The following GREB1L variants were observed in gnomAD, a reference collection of about 807,000 sequenced individuals.
The protein encoded by GREB1L is GREB1-like protein.
Under a neutral mutation model 200.8 loss-of-function variants are expected in GREB1L, and 17 were observed. That is an observed-to-expected ratio of 0.08 (90% confidence interval 0.06 to 0.13). The LOEUF is 0.13. GREB1L is among the 10% of genes least tolerant of loss of function. The pLI is 1.00. For missense variants in GREB1L, 1,657 were observed against 2,367.7 expected (o/e 0.70, Z 6.23); for synonymous variants, 789 against 893.0 (o/e 0.88, Z 2.08).
chr18:21,283,143 A>G (rs1490239878), intron 1 of GREB1L, among the ~76,000 whole-genome samples: 1 of 152,188 alleles, frequency 6.6e-6, no homozygotes, highest in Non-Finnish European at 1.5e-5. Context: ...AGCAAAACAA[A>G]CTGGCTTTTA....
At chr18:21,506,305 GA>G (rs2037018101) in intron 25 of GREB1L, among the ~76,000 whole-genome samples, 1 of 151,868 alleles carries the variant, frequency 6.6e-6, no homozygotes, top group African/African-American at 2.4e-5. Context: ...TGAGGCAGGA[GA>G]AATGCTTGAA....
intron 15 of GREB1L, among the ~76,000 whole-genome samples, chr18:21,465,426 A>T (rs2035227227): frequency 6.6e-6 from 1 of 152,166 alleles, no homozygotes; most frequent in Admixed American, 6.5e-5. Context: ...TATACAGGAG[A>T]ATGCCTTTGC....
chr18:21,281,568 AC>A (rs1326246916), intron 1 of GREB1L, among the ~76,000 whole-genome samples: 28 of 152,354 alleles, frequency 1.8e-4, no homozygotes, highest in Admixed American at 1.7e-3. Context: ...TTGGCTAAAA[AC>A]GTCAGAAAAA....
At chr18:21,497,818 C>CG (rs1358975448) in intron 21 of GREB1L, among the ~76,000 whole-genome samples, 3 of 127,090 alleles carry the variant, frequency 2.4e-5, no homozygotes, top group Admixed American at 7.8e-5. Flanking sequence ...ACCACCCCCC[C>CG]CCCTTTTTTT....
chr18:21,253,199 C>CCTT (rs2037740837), intron 1 of GREB1L, among the ~76,000 whole-genome samples: 1 of 151,864 alleles, frequency 6.6e-6, no homozygotes, highest in African/African-American at 2.4e-5. Flanking sequence ...TTTCACAGTG[C>CCTT]CTTCTTATAC....
At chr18:21,411,022 GA>G (rs1206857356) in intron 7 of GREB1L, among the ~76,000 whole-genome samples, 1 of 152,044 alleles carries the variant, frequency 6.6e-6, no homozygotes, top group Non-Finnish European at 1.5e-5. Context: ...TATGTCAATA[GA>G]AACAGTGAGC....
intron 1 of GREB1L, among the ~76,000 whole-genome samples, chr18:21,322,832 A>C (rs1341467380): frequency 6.6e-6 from 1 of 152,192 alleles, no homozygotes; most frequent in Non-Finnish European, 1.5e-5. Context: ...AAAAAGTAAA[A>C]TTAGGCCCAT....
At chr18:21,308,927 AC>A (rs2038746280) in intron 1 of GREB1L, among the ~76,000 whole-genome samples, 1 of 152,096 alleles carries the variant, frequency 6.6e-6, no homozygotes, top group Non-Finnish European at 1.5e-5. Flanking sequence ...CTATATGGTG[AC>A]CTCTGTGATT....
intron 1 of GREB1L, among the ~76,000 whole-genome samples, chr18:21,298,443 T>C (rs561903750): frequency 6.6e-6 from 1 of 152,348 alleles, no homozygotes; most frequent in East Asian, 1.9e-4. Context: ...TTATATCTTA[T>C]CTCCAAAAAT....
chr18:21,255,379 G>A (rs760844621), intron 1 of GREB1L, among the ~76,000 whole-genome samples: 8 of 152,122 alleles, frequency 5.3e-5, no homozygotes, highest in African/African-American at 1.7e-4. Flanking sequence ...GTGACTAAGC[G>A]GCTACTGTAT....
At chr18:21,503,679 C>T (rs996468645) in intron 23 of GREB1L, among the ~76,000 whole-genome samples, 2 of 151,130 alleles carry the variant, frequency 1.3e-5, no homozygotes, top group African/African-American at 2.4e-5. Flanking sequence ...CAGGTTCAGG[C>T]GATTCTCCTG....
chr18:21,312,742 T>C (rs1189447364), intron 1 of GREB1L, among the ~76,000 whole-genome samples: 1 of 151,914 alleles, frequency 6.6e-6, no homozygotes. Flanking sequence ...TCAATAGAGA[T>C]GGGGTTTCAC....
intron 7 of GREB1L, among the ~76,000 whole-genome samples, chr18:21,436,386 C>A (rs1378458556): frequency 6.6e-6 from 1 of 152,136 alleles, no homozygotes; most frequent in Non-Finnish European, 1.5e-5. Flanking sequence ...GTAAACCCAT[C>A]ACTTTGGGAG....
chr18:21,428,661 G>A (rs1388169209), intron 7 of GREB1L, among the ~76,000 whole-genome samples: 2 of 142,264 alleles, frequency 1.4e-5, no homozygotes, highest in Non-Finnish European at 3.0e-5. Flanking sequence ...ACGGAGTGTC[G>A]CTGTTGTCGG....
At chr18:21,408,711 T>A (rs1452706623) in intron 7 of GREB1L, among the ~76,000 whole-genome samples, 1 of 151,550 alleles carries the variant, frequency 6.6e-6, no homozygotes, top group Non-Finnish European at 1.5e-5. Context: ...GGAGAATCAC[T>A]TGAACCCGGC....
In GREB1L at chr18:21,513,962, T is replaced by C. The variant is rs777578108; in HGVS notation, c.4877T>C (p.Ile1626Thr). 5 of 1,551,548 alleles carry C rather than the reference T, an allele frequency of 3.2e-6. No individual in the cohort carries two copies. Among genetic ancestry groups the C allele is most frequent in the Non-Finnish European group, 4.4e-6 (5 of 1,146,968 alleles). Residue 1626 changes from isoleucine (I) to threonine (T), a missense_variant, in exon 28 of 33, where the codon ATT (isoleucine) becomes ACT (threonine). Coordinates refer to ENST00000424526, the MANE Select transcript of GREB1L (RefSeq NM_001142966.3). ...GATGACTCATGTGTCCTATGGAACA[T>C]TCACAGTGTTCAGGAGCCATCCAGG... ...MMDDSCVLWN[I>T]HSVQEPSSQP...
intron 9 of GREB1L, among the ~76,000 whole-genome samples, chr18:21,440,877 A>G (rs1201942564): frequency 6.6e-6 from 1 of 152,242 alleles, no homozygotes; most frequent in African/African-American, 2.4e-5. Context: ...ACCACAGACA[A>G]TTGTAAATAT....
chr18:21,354,715 G>A (rs917747321), intron 1 of GREB1L, among the ~76,000 whole-genome samples: 14 of 152,118 alleles, frequency 9.2e-5, no homozygotes, highest in Admixed American at 9.2e-4. Context: ...GAAATCTAAA[G>A]GGCAAAAGAA....
At chr18:21,425,360 T>G (rs2032480668) in intron 7 of GREB1L, among the ~76,000 whole-genome samples, 1 of 152,182 alleles carries the variant, frequency 6.6e-6, no homozygotes, top group Non-Finnish European at 1.5e-5. Flanking sequence ...GCTATGAACA[T>G]TTGTGCACAG....
Sources: allele counts gnomAD v4.1 joint callset (sites outside exome capture counted in the v4.1 genomes callset), GRCh38; gene constraint gnomAD v4.1.1; transcripts MANE v1.5; gene names NCBI Gene and HGNC (gene_info 2026-07-23, HGNC 2026-07-21).